Variants in MBTPS1 observed in about 807,000 individuals in gnomAD.
The protein encoded by MBTPS1 is membrane bound transcription factor peptidase, site 1, also known as membrane-bound transcription factor site-1 protease.
Under a neutral mutation model 127.8 loss-of-function variants are expected in MBTPS1, and 94 were observed. The observed-to-expected ratio is 0.74, with a 90% CI of 0.62 to 0.87. The LOEUF is 0.87. Among genes scored for constraint, MBTPS1 ranks in the 40% least tolerant of loss-of-function variants. The pLI, the probability that MBTPS1 is intolerant of heterozygous loss-of-function variation, is 0.00. For missense variants in MBTPS1, 1,636 were observed against 1,353.2 expected, an observed-to-expected ratio of 1.21 and a Z score of -3.28; for synonymous variants, 632 against 509.4, an observed-to-expected ratio of 1.24 and a Z score of -3.24.
intron 11 of MBTPS1, 71 bp downstream of exon 11, chr16:84,081,676 T>G (rs1260234022): frequency 8.4e-7 from 1 of 1,190,464 alleles, no homozygotes; most frequent in Non-Finnish European, 1.1e-6. Flanking sequence ...GCTTGTATTT[T>G]GTGCAGAGGG....
chr16:84,058,540 A>C (rs112734487), intron 21 of MBTPS1, among the ~76,000 whole-genome samples: 6 of 152,290 alleles, frequency 3.9e-5, no homozygotes, highest in African/African-American at 1.4e-4. Flanking sequence ...CCCTGGCTTC[A>C]TCCCCTTTCT....
rs749500095 is a variant in MBTPS1 at position 84,085,007 on chromosome 16, G to A, written c.1262C>T (p.Ala421Val). The change falls in exon 10 of 23, where the codon GCA (alanine) becomes GTA (valine). Residue 421 changes from alanine (A) to valine (V), a missense_variant. Transcript: ENST00000343411. ...CCTCACTAACAAGGTGACAGCACCTGCAACCACTGGAGAAGCAACACTGGT... is the reference window on the plus strand; with the variant it reads ...CCTCACTAACAAGGTGACAGCACCTACAACCACTGGAGAAGCAACACTGGT... ...SGTSVASPVVAGAVTLLVSTV... is the reference protein window; with the variant it reads ...SGTSVASPVVVGAVTLLVSTV... The A allele has an allele frequency of 6.2e-6, 10 of 1,614,050 alleles. No homozygotes were observed. Among genetic ancestry groups the A allele is most frequent in the South Asian group, 4.4e-5 (4 of 91,082 alleles).
Position 84,112,618 on chromosome 16 carries a change from C to G in MBTPS1, c.-325+4117G>C, listed in dbSNP as rs572853291. 1.1e-3 allele frequency among the ~76,000 whole-genome samples: 159 copies of G among 147,280 alleles called. 1 individual carries two copies. Among genetic ancestry groups the G allele is most frequent in the African/African-American group, 3.9e-3 (154 of 39,810 alleles). ...CGGAGCTTCCAGGGAGCTGAGATCA[C>G]GCCACTGCACTCCAGCCCGGGCAAC... On this transcript the variant is annotated intron_variant, in intron 1 of 22. Transcript: ENST00000343411.
At chr16:84,095,251 G>A (rs1488362873) in intron 4 of MBTPS1, among the ~76,000 whole-genome samples, 2 of 152,200 alleles carry the variant, frequency 1.3e-5, no homozygotes, top group Admixed American at 6.5e-5. Context: ...GTCGGTCAGC[G>A]CCAGTGGCCG....
intron 3 of MBTPS1, among the ~76,000 whole-genome samples, chr16:84,096,465 G>A (rs776822478): frequency 2.6e-5 from 4 of 152,268 alleles, no homozygotes; most frequent in Middle Eastern, 3.4e-3. Flanking sequence ...TAAAAAGGAC[G>A]AATTTTACTA....
intron 18 of MBTPS1, among the ~76,000 whole-genome samples, chr16:84,064,963 G>A (rs377128396): frequency 6.6e-6 from 1 of 152,176 alleles, no homozygotes; most frequent in Non-Finnish European, 1.5e-5. Context: ...TTAGAAGGGA[G>A]GGGGCCTCTC....
At position 84,063,428 on chromosome 16, in the gene MBTPS1, G is replaced by A; in HGVS notation, c.2449C>T (p.Gln817Ter). The A allele has an allele frequency of 6.2e-7, 1 of 1,614,008 alleles. No homozygotes were observed. The highest frequency in any genetic ancestry group is 8.5e-7 in the Non-Finnish European group (1 of 1,179,936). The change falls in exon 19 of 23, where the codon CAG becomes TAG. Residue 817 changes from glutamine (Q) to a stop codon, truncating the protein, a stop_gained. Coordinates refer to ENST00000343411, the MANE Select transcript of MBTPS1 (RefSeq NM_003791.4). LOFTEE classifies it high-confidence loss of function. ...ACGTTTTCAACAACTGCTGTTTCCTGCTTTAAAACCTCCAATCCTGAAACA... is the reference window on the plus strand; with the variant it reads ...ACGTTTTCAACAACTGCTGTTTCCTACTTTAAAACCTCCAATCCTGAAACA... ...FKDQGLEVLK[Q>*]ETAVVENVPI...
intron 1 of MBTPS1, among the ~76,000 whole-genome samples, chr16:84,111,231 T>C (rs1395499505): frequency 6.6e-6 from 1 of 151,966 alleles, no homozygotes; most frequent in Non-Finnish European, 1.5e-5. Flanking sequence ...CAGGTAGTAA[T>C]AGATGTGATG....
Position 84,070,747 on chromosome 16 carries a change from G to T in MBTPS1, c.1623C>A (p.Asn541Lys). 1.9e-6 allele frequency: 3 copies of T among 1,612,712 alleles called. No individual in the cohort carries two copies. The highest frequency in any genetic ancestry group is 2.5e-6 in the Non-Finnish European group (3 of 1,179,362). Reference protein sequence around the residue: ...KPDWQPYLPQNGDNIEVAFSY... With the variant: ...KPDWQPYLPQKGDNIEVAFSY... ...AGAAGGCAACTTCAATGTTGTCTCCGTTCTGTGGCAAATAGGGCTGCCAGT... is the reference window on the plus strand; with the variant it reads ...AGAAGGCAACTTCAATGTTGTCTCCTTTCTGTGGCAAATAGGGCTGCCAGT... Residue 541 changes from asparagine to lysine, a missense_variant, in exon 13 of 23, where the codon AAC becomes AAA. Asn to Lys is a moderately conservative substitution (Grantham distance 94, BLOSUM62 0). Transcript: ENST00000343411.
chr16:84,113,240 C>T (rs1032844798), intron 1 of MBTPS1, among the ~76,000 whole-genome samples: 1 of 152,152 alleles, frequency 6.6e-6, no homozygotes, highest in East Asian at 1.9e-4. Context: ...AGAGAGCCTA[C>T]TTAGGGCTGT....
chr16:84,096,518 G>A (rs2086181988), intron 3 of MBTPS1, among the ~76,000 whole-genome samples: 1 of 152,230 alleles, frequency 6.6e-6, no homozygotes, highest in Admixed American at 6.5e-5. Flanking sequence ...GAAAAAGGCA[G>A]TACCACAGAA....
rs375404159 is a variant in MBTPS1 at position 84,074,733 on chromosome 16, G to C, written c.1457C>G (p.Pro486Arg). The change falls in exon 12 of 23, where the codon CCC (proline) becomes CGC (arginine). Residue 486 changes from proline (P) to arginine (R), a missense_variant. Physicochemically the swap from Pro to Arg is moderately radical, Grantham distance 103. Coordinates refer to ENST00000343411, the MANE Select transcript of MBTPS1 (RefSeq NM_003791.4). ...NSYKPQASLS[P>R]SYIDLTECPY... Reference sequence around the variant, plus strand: ...ACACTCAGTCAGATCTATGTAGCTGGGGCTCAAACTGAAATAAAGAATACA... The same window carrying C: ...ACACTCAGTCAGATCTATGTAGCTGCGGCTCAAACTGAAATAAAGAATACA... 1.4e-5 allele frequency: 22 copies of C among 1,612,640 alleles called. No homozygotes were observed. Among genetic ancestry groups the C allele is most frequent in the Non-Finnish European group, 1.9e-5 (22 of 1,179,530 alleles).
chr16:84,071,896 G>A (rs2085774985), intron 12 of MBTPS1: 1 of 152,150 alleles, frequency 6.6e-6, no homozygotes, highest in Non-Finnish European at 1.5e-5. Flanking sequence ...CCCAATTCCA[G>A]GAGAAAAATG....
Position 84,098,095 on chromosome 16 carries a change from C to T in MBTPS1, c.421+958G>A, listed in dbSNP as rs117935814. 1.2e-3 allele frequency among the ~76,000 whole-genome samples: 181 copies of T among 152,144 alleles called. 2 individuals carry two copies. The East Asian group carries it at 0.023, about 19-fold the overall frequency. Reference sequence around the variant, plus strand: ...TGGAAAATATCATTTAATAAATATGCAATTTACTATTTGAGACTAAACTCT... The same window carrying T: ...TGGAAAATATCATTTAATAAATATGTAATTTACTATTTGAGACTAAACTCT... On this transcript the variant is annotated intron_variant, in intron 3 of 22. Coordinates refer to ENST00000343411, the MANE Select transcript of MBTPS1 (RefSeq NM_003791.4).
In MBTPS1 at chr16:84,091,777, G is replaced by C. The variant is rs748670280; in HGVS notation, c.918C>G (p.Leu306=). 7.4e-6 allele frequency: 12 copies of C among 1,614,066 alleles called. No individual in the cohort carries two copies. Among genetic ancestry groups the C allele is most frequent in the Non-Finnish European group, 8.5e-7 (1 of 1,180,026 alleles). Residue 306 remains leucine (L), a synonymous_variant, in exon 7 of 23, where the codon CTC becomes CTG. Transcript: ENST00000343411. ...AILKKIDVLN[L]SIGGPDFMDH... is the part of the protein sequence containing the mutation. ...CCATGAAGTCCGGGCCGCCGATGCTGAGGTTTAACACGTCGATCTTCTTTA... is the reference window on the plus strand; with the variant it reads ...CCATGAAGTCCGGGCCGCCGATGCTCAGGTTTAACACGTCGATCTTCTTTA...
Position 84,067,801 on chromosome 16 carries a change from A to C in MBTPS1, c.2094T>G (p.Ser698Arg). The change falls in exon 16 of 23, where the codon AGT becomes AGG. Residue 698 changes from serine to arginine, a missense_variant. Transcript: ENST00000343411. ...SQYGTLLMVDSEEEYFPEEIA... is the reference protein window; with the variant it reads ...SQYGTLLMVDREEEYFPEEIA... The stretch of plus-strand genomic sequence containing the variant: ...TCTCTTCAGGGAAGTACTCCTCCTC[A>C]CTGTCCACCATCAGCAAAGTGCCTG... The C allele has an allele frequency of 1.2e-6, 2 of 1,610,470 alleles. No homozygotes were observed. The highest frequency in any genetic ancestry group is 2.2e-5 in the South Asian group (2 of 90,892).
In MBTPS1 at chr16:84,081,854, G is replaced by A. The variant is rs149021936; in HGVS notation, c.1341C>T (p.Ile447=). 1,293 of 1,520,550 alleles carry A rather than the reference G, an allele frequency of 8.5e-4. 11 individuals carry two copies. The East Asian group carries it at 0.019, about 22-fold the overall frequency. 94.2% of individuals were successfully genotyped at this position (1,520,550 alleles called of 1,614,324 possible). Residue 447 remains isoleucine (I), a synonymous_variant, in exon 11 of 23, where the codon ATC becomes ATT. Coordinates refer to ENST00000343411, the MANE Select transcript of MBTPS1 (RefSeq NM_003791.4). ...CCCCGGGGAGCCTCCGGGCTGACGCGATCAGGGCCTGCTTCATACTGGCGG... is the reference window on the plus strand; with the variant it reads ...CCCCGGGGAGCCTCCGGGCTGACGCAATCAGGGCCTGCTTCATACTGGCGG... ...VNPASMKQAL[I]ASARRLPGVN... is the part of the protein sequence containing the mutation.
intron 19 of MBTPS1, among the ~76,000 whole-genome samples, chr16:84,062,326 G>A (rs1000846848): frequency 3.3e-5 from 5 of 152,026 alleles, no homozygotes; most frequent in African/African-American, 1.2e-4. Flanking sequence ...TCACTGTGTT[G>A]GCCAGGCTGG....
chr16:84,074,303 T>C (rs1365256895), intron 12 of MBTPS1, among the ~76,000 whole-genome samples: 1 of 151,232 alleles, frequency 6.6e-6, no homozygotes, highest in East Asian at 2.0e-4. Flanking sequence ...GGCATGATCT[T>C]GGCTCACTGC....
Sources: gnomAD v4.1 joint callset for allele counts (sites outside exome capture counted in the v4.1 genomes callset) on GRCh38, gnomAD v4.1.1 for gene constraint, MANE v1.5 for transcripts, NCBI Gene and HGNC (gene_info 2026-07-23, HGNC 2026-07-21) for gene names.